The following CAMSAP1 variants were observed in gnomAD, a reference collection of about 807,000 sequenced individuals.
CAMSAP1 encodes the protein calmodulin-regulated spectrin-associated protein 1.
In CAMSAP1, 58 loss-of-function variants were observed where a neutral mutation model predicts 143.5. That is an observed-to-expected ratio of 0.40 (90% CI 0.33 to 0.50). The LOEUF (loss-of-function observed/expected upper bound fraction) is 0.50, where lower values mean the gene tolerates loss of function less well. Among genes scored for constraint, CAMSAP1 ranks in the 20% least tolerant of loss-of-function variants. The pLI, the probability that CAMSAP1 is intolerant of heterozygous loss-of-function variation, is 0.45. For missense variants in CAMSAP1, 1,969 were observed against 2,115.7 expected (o/e 0.93, Z 1.36); for synonymous variants, 945 against 859.3 (o/e 1.10, Z -1.74).
intron 5 of CAMSAP1, among the ~76,000 whole-genome samples, chr9:135,855,912 C>A (rs1008927767): frequency 6.6e-6 from 1 of 151,526 alleles, no homozygotes; most frequent in Non-Finnish European, 1.5e-5. Context: ...ATTAGCCGGG[C>A]GCGGTGGCGG....
chr9:135,886,780 G>C (rs978356071), intron 1 of CAMSAP1, among the ~76,000 whole-genome samples: 30 of 152,258 alleles, frequency 2.0e-4, no homozygotes, highest in African/African-American at 6.0e-4. Flanking sequence ...CGCCAGGAGA[G>C]ACAATGGAGG....
chr9:135,833,145 G>A (rs1321136761), intron 7 of CAMSAP1, among the ~76,000 whole-genome samples: 1 of 145,826 alleles, frequency 6.9e-6, no homozygotes, highest in African/African-American at 2.6e-5. Context: ...GCAGTGGCGC[G>A]ATCTCGGCTC....
At chr9:135,840,032 T>G (rs1203215886) in intron 7 of CAMSAP1, among the ~76,000 whole-genome samples, 1 of 152,140 alleles carries the variant, frequency 6.6e-6, no homozygotes, top group African/African-American at 2.4e-5. Context: ...ACTCCTAATA[T>G]GGCACCGTCC....
intron 1 of CAMSAP1, among the ~76,000 whole-genome samples, chr9:135,891,411 C>T (rs547811607): frequency 1.8e-4 from 28 of 152,180 alleles, no homozygotes; most frequent in Non-Finnish European, 5.9e-5. Flanking sequence ...TATGAGCCTG[C>T]AAGATCTGGG....
rs748334296 is a variant in CAMSAP1, at chr9:135,818,305, C to T, written c.4168+103G>A. Reference sequence around the variant, plus strand: ...CGGGGATAATCATCTCCACCCTTCCCGCCTCACACCACTCTTGATGACAAA... The same window carrying T: ...CGGGGATAATCATCTCCACCCTTCCTGCCTCACACCACTCTTGATGACAAA... On this transcript the variant is annotated intron_variant, in intron 13 of 16. Coordinates refer to ENST00000389532, the MANE Select transcript of CAMSAP1 (RefSeq NM_015447.4). This position sits in a 1 kb window ranked among gnomAD's most constrained non-coding sequence, Gnocchi z 7.7. The T allele has an allele frequency of 8.5e-6, 11 of 1,293,196 alleles. No homozygotes were observed. Among genetic ancestry groups the T allele is most frequent in the Middle Eastern group, 2.2e-4 (1 of 4,562 alleles). The allele number at this position is 1,293,196 out of a possible 1,614,324, so 80.1% of individuals were successfully genotyped here.
chr9:135,814,193 C>A (rs1261090675), intron 16 of CAMSAP1, among the ~76,000 whole-genome samples: 1 of 152,204 alleles, frequency 6.6e-6, no homozygotes, highest in African/African-American at 2.4e-5. Context: ...TAGGTCGGGG[C>A]CATTCTTAGT....
chr9:135,904,017 C>T (rs1385786200), intron 1 of CAMSAP1, among the ~76,000 whole-genome samples: 1 of 152,208 alleles, frequency 6.6e-6, no homozygotes, highest in Non-Finnish European at 1.5e-5. Flanking sequence ...TTTCGGTCAT[C>T]TGAATTACGA....
chr9:135,852,213 T>C (rs887297621), intron 5 of CAMSAP1, among the ~76,000 whole-genome samples: 3 of 152,224 alleles, frequency 2.0e-5, no homozygotes, highest in Non-Finnish European at 4.4e-5. Flanking sequence ...GAATTCTTTC[T>C]GGATTGTGGT....
chr9:135,845,379 C>T (rs556362049), intron 7 of CAMSAP1, among the ~76,000 whole-genome samples: 1 of 152,060 alleles, frequency 6.6e-6, no homozygotes, highest in Non-Finnish European at 1.5e-5. Context: ...AAAATAATAA[C>T]AGCTATTTAG....
At chr9:135,901,162 C>T (rs1239065481) in intron 1 of CAMSAP1, among the ~76,000 whole-genome samples, 1 of 152,214 alleles carries the variant, frequency 6.6e-6, no homozygotes, top group Non-Finnish European at 1.5e-5. Flanking sequence ...TGTCTGGGCT[C>T]CCCATGGCAG....
intron 1 of CAMSAP1, among the ~76,000 whole-genome samples, chr9:135,894,513 A>G (rs1308814005): frequency 6.6e-6 from 1 of 152,230 alleles, no homozygotes; most frequent in African/African-American, 2.4e-5. Flanking sequence ...CAGAGGCAGC[A>G]CGCTGCCCAG....
At chr9:135,902,519 A>T (rs1239710025) in intron 1 of CAMSAP1, among the ~76,000 whole-genome samples, 1 of 152,226 alleles carries the variant, frequency 6.6e-6, no homozygotes, top group Non-Finnish European at 1.5e-5. Context: ...CACAGATTTC[A>T]TTTTAACGAA....
At chr9:135,880,726 G>A (rs58820096) in intron 3 of CAMSAP1, among the ~76,000 whole-genome samples, 6,359 of 152,230 alleles carry the variant, frequency 0.042, 441 homozygotes, top group African/African-American at 0.14. Context: ...ATTCAGGCGC[G>A]CTAATACAGC....
At position 135,882,268 on chromosome 9, in the gene CAMSAP1, A is replaced by G. The variant is rs1316376757; in HGVS notation, c.424-474T>C. Among the ~76,000 whole-genome samples, 1 of 151,754 alleles carries G rather than the reference A, an allele frequency of 6.6e-6. No homozygotes were observed. Among genetic ancestry groups the G allele is most frequent in the Non-Finnish European group, 1.5e-5 (1 of 67,936 alleles). On this transcript the variant is annotated intron_variant, in intron 2 of 16. Coordinates refer to ENST00000389532, the MANE Select transcript of CAMSAP1 (RefSeq NM_015447.4). This position sits in a 1 kb window ranked among gnomAD's most constrained non-coding sequence, Gnocchi z 4.9. ...AGCTTCCTCATTCGACAGGAATGAC[A>G]CTCTCTTCAACCACCGCACGGCACC... is the stretch of plus-strand genomic sequence containing the variant.
At position 135,882,857 on chromosome 9, in the gene CAMSAP1, G is replaced by A. The variant is rs1464278758; in HGVS notation, c.382C>T (p.Pro128Ser). 6 of 1,551,322 alleles carry A rather than the reference G, an allele frequency of 3.9e-6. No individual in the cohort carries two copies. The highest frequency in any genetic ancestry group is 5.2e-6 in the Non-Finnish European group (6 of 1,147,000). The change falls in exon 2 of 17, where the codon CCC (proline) becomes TCC (serine). Residue 128 changes from proline (P) to serine (S), a missense_variant. By Grantham distance (74) the Pro-to-Ser change is moderately conservative (BLOSUM62 -1). Transcript: ENST00000389532. The surrounding 1 kb of genome is among the most constrained non-coding windows in gnomAD (Gnocchi z 4.9). ...GIYVMESDDT[P>S]VTESDLSRAP... ...CGACTGAGGTCGGACTCTGTCACGGGGGTGTCATCACTCTCCATCACATAG... is the reference window on the plus strand; with the variant it reads ...CGACTGAGGTCGGACTCTGTCACGGAGGTGTCATCACTCTCCATCACATAG...
chr9:135,833,183 G>A (rs1381728992), intron 7 of CAMSAP1, among the ~76,000 whole-genome samples: 3 of 148,056 alleles, frequency 2.0e-5, no homozygotes, highest in South Asian at 2.1e-4. Flanking sequence ...CCGGATTCAC[G>A]CCATTCTCTT....
chr9:135,847,746 T>C (rs938939264), intron 7 of CAMSAP1, among the ~76,000 whole-genome samples: 1 of 137,590 alleles, frequency 7.3e-6, no homozygotes, highest in Non-Finnish European at 1.5e-5. Context: ...AAACGCCTAA[T>C]GTAGAGGATG....
chr9:135,874,489 GGC>G (rs1491388877), intron 3 of CAMSAP1, among the ~76,000 whole-genome samples: 8 of 144,946 alleles, frequency 5.5e-5, no homozygotes, highest in African/African-American at 2.1e-4. Context: ...GGGGGGGGGG[GGC>G]CACAGGGGCC....
At chr9:135,819,616 CTGAGGTCAGGAGTTCA>C (rs1000128880) in intron 11 of CAMSAP1, among the ~76,000 whole-genome samples, 1 of 148,696 alleles carries the variant, frequency 6.7e-6, no homozygotes, top group African/African-American at 2.5e-5. Context: ...AGTGGATCAC[CTGAGGTCAGGAGTTCA>C]AGACCAGCCT....
Sources: gnomAD v4.1 joint callset for allele counts (sites outside exome capture counted in the v4.1 genomes callset) on GRCh38, gnomAD v4.1.1 for gene constraint, Gnocchi (gnomAD v3.1) non-coding constraint, MANE v1.5 for transcripts, NCBI Gene and HGNC (gene_info 2026-07-23, HGNC 2026-07-21) for gene names.